The following ARL6IP5 variants were observed in gnomAD, a reference collection of about 807,000 sequenced individuals.
ARL6IP5 encodes the protein PRA1 family protein 3.
Under a neutral mutation model 13.0 loss-of-function variants are expected in ARL6IP5, and 6 were observed. The ratio of observed to expected loss-of-function variants is 0.46; its 90% CI spans 0.25 to 0.91. The LOEUF is 0.91. ARL6IP5 is among the 40% of genes least tolerant of loss of function. The pLI, the probability that ARL6IP5 is intolerant of heterozygous loss-of-function variation, is 0.17. For synonymous variants in ARL6IP5, 91 were observed against 91.9 expected, an observed-to-expected ratio of 0.99 and a Z score of 0.06; for missense variants, 208 against 248.8, an observed-to-expected ratio of 0.84 and a Z score of 1.10.
intron 1 of ARL6IP5, among the ~76,000 whole-genome samples, chr3:69,085,834 A>C (rs1192551713): frequency 6.6e-6 from 1 of 152,200 alleles, no homozygotes; most frequent in Admixed American, 6.5e-5. Flanking sequence ...ATTTTCTTCC[A>C]GCAGTGGCCA....
intron 2 of ARL6IP5, 85 bp from the exon 3 acceptor site, chr3:69,104,379 A>T: frequency 7.3e-7 from 1 of 1,372,136 alleles, no homozygotes; most frequent in Non-Finnish European, 1.0e-6. Context: ...GCAGTTTACT[A>T]ATAGTGTGAA....
In ARL6IP5 at chr3:69,105,761, T is replaced by G. The variant is rs1383891521; in HGVS notation, c.*1125T>G. On this transcript the variant is annotated 3_prime_UTR_variant, in exon 3 of 3. Coordinates refer to ENST00000273258, the MANE Select transcript of ARL6IP5 (RefSeq NM_006407.4). Reference sequence around the variant, plus strand: ...ATTATTTTTCCTCCCTTTCTCATGTTTTTATAAATAGGTAATAAAAAATGT... The same window carrying G: ...ATTATTTTTCCTCCCTTTCTCATGTGTTTATAAATAGGTAATAAAAAATGT... 6.6e-6 allele frequency: 1 copy of G among 152,252 alleles called. No homozygotes were observed. Among genetic ancestry groups the G allele is most frequent in the Non-Finnish European group, 1.5e-5 (1 of 68,052 alleles). 9.4% of individuals were successfully genotyped at this position (152,252 alleles called of 1,614,324 possible). A position where few individuals can be genotyped will look rare whatever the true frequency, so the allele number is the denominator to read the frequency against.
In ARL6IP5 at chr3:69,085,047, CATGGACGTT is replaced by C; in HGVS notation, c.2_10del (p.MetAspVal1_?3). Reference sequence around the variant, plus strand: ...GAGGCGAAGAACGCAAAGCTGAGAACATGGACGTTAATATCGCCCCACTCCGCGCCTGGG... The same window carrying C: ...GAGGCGAAGAACGCAAAGCTGAGAACAATATCGCCCCACTCCGCGCCTGGG... On this transcript the variant is annotated start_lost and inframe_deletion, in exon 1 of 3. Coordinates refer to ENST00000273258, the MANE Select transcript of ARL6IP5 (RefSeq NM_006407.4). The C allele has an allele frequency of 6.2e-7, 1 of 1,613,220 alleles. No individual in the cohort carries two copies. The highest frequency in any genetic ancestry group is 8.5e-7 in the Non-Finnish European group (1 of 1,179,584).
Position 69,085,030 on chromosome 3 carries a change from GA to G in ARL6IP5, c.-16del. The G allele has an allele frequency of 6.2e-7, 1 of 1,608,566 alleles. No homozygotes were observed. The highest frequency in any genetic ancestry group is 8.5e-7 in the Non-Finnish European group (1 of 1,176,854). On this transcript the variant is annotated 5_prime_UTR_variant, in exon 1 of 3. Coordinates refer to ENST00000273258, the MANE Select transcript of ARL6IP5 (RefSeq NM_006407.4). Reference sequence around the variant, plus strand: ...GCCGCCGCCAGATTCTGGAGGCGAAGAACGCAAAGCTGAGAACATGGACGTT... The same window carrying G: ...GCCGCCGCCAGATTCTGGAGGCGAAGACGCAAAGCTGAGAACATGGACGTT...
intron 1 of ARL6IP5, among the ~76,000 whole-genome samples, chr3:69,088,824 C>T (rs1237567102): frequency 6.6e-6 from 1 of 152,234 alleles, no homozygotes; most frequent in Non-Finnish European, 1.5e-5. Context: ...TCACATCACA[C>T]ACAACAATAG....
intron 1 of ARL6IP5, among the ~76,000 whole-genome samples, chr3:69,085,850 G>A (rs2092245945): frequency 6.6e-6 from 1 of 152,142 alleles, no homozygotes; most frequent in African/African-American, 2.4e-5. Context: ...GGCCAGGCGT[G>A]GTCACTTTCT....
At chr3:69,092,469 TTTTG>T (rs916107919) in intron 1 of ARL6IP5, among the ~76,000 whole-genome samples, 1 of 152,152 alleles carries the variant, frequency 6.6e-6, no homozygotes, top group East Asian at 1.9e-4. Flanking sequence ...TCTCAGTAGC[TTTTG>T]TTTGTTTTGT....
At chr3:69,085,677 G>C (rs950225084) in intron 1 of ARL6IP5, among the ~76,000 whole-genome samples, 3 of 152,166 alleles carry the variant, frequency 2.0e-5, no homozygotes, top group African/African-American at 7.2e-5. Flanking sequence ...ACCAAGTGGC[G>C]ACGCACTTTG....
intron 1 of ARL6IP5, 124 bp downstream of exon 1, chr3:69,085,347 C>A: frequency 1.6e-6 from 2 of 1,268,210 alleles, no homozygotes; most frequent in Non-Finnish European, 2.1e-6. Flanking sequence ...GGCAATTCTG[C>A]AAGCGGCCAA....
chr3:69,104,278 A>G (rs964628763), intron 2 of ARL6IP5, among the ~76,000 whole-genome samples, 186 bp from the exon 3 acceptor site: 1 of 152,134 alleles, frequency 6.6e-6, no homozygotes, highest in Non-Finnish European at 1.5e-5. Context: ...AAAACTATGT[A>G]TGACTTGATG....
intron 1 of ARL6IP5, among the ~76,000 whole-genome samples, chr3:69,086,860 T>C (rs1294564409): frequency 6.6e-6 from 1 of 151,304 alleles, no homozygotes. Flanking sequence ...GTAGCTGGGA[T>C]TACAGGCACG....
intron 1 of ARL6IP5, among the ~76,000 whole-genome samples, chr3:69,093,353 T>C (rs1018937774): frequency 9.8e-5 from 15 of 152,334 alleles, no homozygotes; most frequent in African/African-American, 2.2e-4. Flanking sequence ...AATCTCACTA[T>C]GACCTTTCTG....
chr3:69,085,747 G>C (rs1054425413), intron 1 of ARL6IP5, among the ~76,000 whole-genome samples: 1 of 151,904 alleles, frequency 6.6e-6, no homozygotes, highest in Non-Finnish European at 1.5e-5. Context: ...GGGATCAAAA[G>C]GGGGGGTGTC....
intron 2 of ARL6IP5, 105 bp from the exon 3 acceptor site, chr3:69,104,359 G>C: frequency 8.5e-7 from 1 of 1,181,664 alleles, no homozygotes; most frequent in Admixed American, 2.2e-5. Flanking sequence ...CTGGACTGTG[G>C]CTAACTAAGG....
At chr3:69,089,762 A>G in intron 1 of ARL6IP5, 1 of 455,650 alleles carries the variant, frequency 2.2e-6, no homozygotes. Context: ...TTCTCCAGCA[A>G]GAGAGCTGCA....
chr3:69,103,924 G>A (rs914771568), intron 2 of ARL6IP5, among the ~76,000 whole-genome samples: 1 of 152,154 alleles, frequency 6.6e-6, no homozygotes, highest in East Asian at 1.9e-4. Flanking sequence ...TTTGGGGAAC[G>A]GTAGGCTATA....
rs200953260 is a variant in ARL6IP5 at position 69,102,023 on chromosome 3, G to T, written c.361G>T (p.Val121Phe). ...TATCTCCATGTTTGGAGGAGTCATG[G>T]TCTTTGTGTTTGGCATTACTTTTCC... The part of the protein sequence containing the change: ...FLISMFGGVM[V>F]FVFGITFPLL... Residue 121 changes from valine (V) to phenylalanine (F), a missense_variant, in exon 2 of 3, where the codon GTC becomes TTC. Val to Phe is a conservative substitution (Grantham distance 50, BLOSUM62 -1). Coordinates refer to ENST00000273258, the MANE Select transcript of ARL6IP5 (RefSeq NM_006407.4). 4 of 1,614,102 alleles carry T rather than the reference G, an allele frequency of 2.5e-6. No individual in the cohort carries two copies. The South Asian group carries it at 4.4e-5, about 18-fold the overall frequency.
In ARL6IP5 at chr3:69,102,098, T is replaced by C. The variant is rs1358898697; in HGVS notation, c.394+42T>C. 3.8e-6 allele frequency: 6 copies of C among 1,576,764 alleles called. No homozygotes were observed. In the African/African-American group the frequency reaches 8.1e-5, roughly 21 times the overall value. On this transcript the variant is annotated intron_variant, in intron 2 of 2. Coordinates refer to ENST00000273258, the MANE Select transcript of ARL6IP5 (RefSeq NM_006407.4). Reference sequence around the variant, plus strand: ...TTTTTCTTCCATCATCAAAAAAATGTAGAAGCAATTATCCAACGGGAATTC... The same window carrying C: ...TTTTTCTTCCATCATCAAAAAAATGCAGAAGCAATTATCCAACGGGAATTC...
chr3:69,102,256 A>G, intron 2 of ARL6IP5, 200 bp downstream of exon 2: 1 of 601,100 alleles, frequency 1.7e-6, no homozygotes, highest in East Asian at 2.8e-5. Flanking sequence ...TCAAGGCCTT[A>G]TAGTTCATTA....
Sources: gnomAD v4.1 joint callset for allele counts (sites outside exome capture counted in the v4.1 genomes callset) on GRCh38, gnomAD v4.1.1 for gene constraint, MANE v1.5 for transcripts, NCBI Gene and HGNC (gene_info 2026-07-23, HGNC 2026-07-21) for gene names.